CEP83: variants seen among roughly 807,000 people sequenced by gnomAD.
CEP83 encodes centrosomal protein 83, also known as centrosomal protein of 83 kDa.
In CEP83, 70 loss-of-function variants were observed where a neutral mutation model predicts 101.9. That is an observed-to-expected ratio of 0.69 (90% CI 0.57 to 0.84). The LOEUF (loss-of-function observed/expected upper bound fraction) is 0.84, where lower values mean the gene tolerates loss of function less well. Among genes scored for constraint, CEP83 ranks in the 40% least tolerant of loss-of-function variants. The pLI, the probability that CEP83 is intolerant of heterozygous loss-of-function variation, is 0.00. For synonymous variants in CEP83, 264 were observed against 267.9 expected, an observed-to-expected ratio of 0.99 and a Z score of 0.14; for missense variants, 715 against 787.2, an observed-to-expected ratio of 0.91 and a Z score of 1.10.
At chr12:94,379,087 T>C in intron 6 of CEP83, 45 bp from the exon 7 acceptor site, 1 of 1,459,602 alleles carries the variant, frequency 6.9e-7, no homozygotes, top group Non-Finnish European at 9.3e-7. Flanking sequence ...AATTATTAAA[T>C]TTTCAGTCAT....
At chr12:94,408,254 T>C (rs1219282235) in intron 4 of CEP83, 2 of 152,232 alleles carry the variant, frequency 1.3e-5, no homozygotes, top group African/African-American at 4.8e-5. Flanking sequence ...GTACTTGCCA[T>C]TTAATAATCT....
chr12:94,449,514 T>A (rs1171970210), intron 1 of CEP83, among the ~76,000 whole-genome samples: 1 of 151,242 alleles, frequency 6.6e-6, no homozygotes, highest in Non-Finnish European at 1.5e-5. Context: ...CCCAGCACTT[T>A]GGGAGGCCAC....
At chr12:94,368,437 A>G (rs916643165) in intron 9 of CEP83, 11 of 411,950 alleles carry the variant, frequency 2.7e-5, no homozygotes, top group African/African-American at 2.3e-4. Flanking sequence ...CACATATAAA[A>G]ACTTTAATAA....
the CEP83 span, among the ~76,000 whole-genome samples, chr12:94,291,070 A>G: frequency 6.6e-6 from 1 of 152,194 alleles, no homozygotes; most frequent in Non-Finnish European, 1.5e-5. Context: ...AGTGCCCATC[A>G]GGGTGTGGGG....
At chr12:94,423,165 GC>G (rs1848061858) in intron 2 of CEP83, among the ~76,000 whole-genome samples, 1 of 151,784 alleles carries the variant, frequency 6.6e-6, no homozygotes, top group African/African-American at 2.4e-5. Context: ...GTTCATCACA[GC>G]CTCTGCCTCC....
intron 2 of CEP83, among the ~76,000 whole-genome samples, chr12:94,425,983 G>A (rs574968379): frequency 1.9e-4 from 29 of 152,148 alleles, no homozygotes; most frequent in Middle Eastern, 3.4e-3. Flanking sequence ...TTAGCTGGGC[G>A]TGGTGACAGG....
At chr12:94,369,466 TA>T (rs1276732977) in intron 9 of CEP83, 3 of 151,688 alleles carry the variant, frequency 2.0e-5, no homozygotes, top group South Asian at 4.2e-4. Flanking sequence ...AAATAAAAAA[TA>T]AAAATAAAAA....
chr12:94,308,172 T>C lies in CEP83; in HGVS notation c.*641A>G, dbSNP rs1969277895. ...AATGGCCCCCTTGTTAATACAGCCA[T>C]AGGATTTAATTATTTGCACTTATTC... On this transcript the variant is annotated 3_prime_UTR_variant, in exon 17 of 17. Coordinates refer to ENST00000397809, the MANE Select transcript of CEP83 (RefSeq NM_016122.3). The C allele has an allele frequency of 6.6e-6, 1 of 152,200 alleles. No individual in the cohort carries two copies. Among genetic ancestry groups the C allele is most frequent in the Non-Finnish European group, 1.5e-5 (1 of 68,030 alleles). 9.4% of individuals were successfully genotyped at this position (152,200 alleles called of 1,614,324 possible). A position where few individuals can be genotyped will look rare whatever the true frequency, so the allele number is the denominator to read the frequency against.
intron 6 of CEP83, among the ~76,000 whole-genome samples, chr12:94,392,120 C>T (rs947824584): frequency 6.6e-6 from 1 of 152,180 alleles, no homozygotes; most frequent in Non-Finnish European, 1.5e-5. Flanking sequence ...GACTTGAACT[C>T]AGCTCTGCAA....
At chr12:94,398,461 C>T (rs368897652) in intron 6 of CEP83, among the ~76,000 whole-genome samples, 2 of 152,128 alleles carry the variant, frequency 1.3e-5, no homozygotes, top group East Asian at 3.9e-4. Context: ...CAAATTAATA[C>T]TTTTATCATT....
chr12:94,456,662 T>G (rs975694433), intron 1 of CEP83, among the ~76,000 whole-genome samples: 3 of 152,154 alleles, frequency 2.0e-5, no homozygotes, highest in African/African-American at 7.2e-5. Context: ...CCAGATCTCA[T>G]GAGAACTCAC....
chr12:94,315,094 A>G (rs892723302), intron 14 of CEP83, among the ~76,000 whole-genome samples: 1 of 152,144 alleles, frequency 6.6e-6, no homozygotes, highest in Non-Finnish European at 1.5e-5. Flanking sequence ...TAAGTACCTC[A>G]TTCTCTTCAG....
chr12:94,339,491 T>C (rs1030413915), intron 11 of CEP83, among the ~76,000 whole-genome samples: 2 of 152,198 alleles, frequency 1.3e-5, no homozygotes, highest in Non-Finnish European at 1.5e-5. Flanking sequence ...TGAATTTTAA[T>C]TTTTTAAAAT....
chr12:94,289,881 A>G, the CEP83 span, among the ~76,000 whole-genome samples: 1 of 152,106 alleles, frequency 6.6e-6, no homozygotes, highest in Non-Finnish European at 1.5e-5. Flanking sequence ...CCACTAATAA[A>G]ATGTTTCTAC....
intron 2 of CEP83, among the ~76,000 whole-genome samples, chr12:94,417,510 C>T (rs2137903174): frequency 6.6e-6 from 1 of 152,178 alleles, no homozygotes; most frequent in Non-Finnish European, 1.5e-5. Context: ...ACTGGTCGGC[C>T]AGGCACAGTG....
At position 94,308,892 on chromosome 12, in the gene CEP83, G is replaced by C. The variant is rs369894676; in HGVS notation, c.2027C>G (p.Ser676Cys). The C allele has an allele frequency of 4.3e-5, 69 of 1,611,760 alleles. No homozygotes were observed. The highest frequency in any genetic ancestry group is 5.6e-5 in the Non-Finnish European group (66 of 1,178,198). Reference sequence around the variant, plus strand: ...TTCTTCTAGTCTTTTGCGAAGTAGAGAGAGTTCCCTTTGATGTTGTTCCTC... The same window carrying C: ...TTCTTCTAGTCTTTTGCGAAGTAGACAGAGTTCCCTTTGATGTTGTTCCTC... ...MQEEQHQREL[S>C]LLRKRLEELE... The change falls in exon 17 of 17, where the codon TCT (serine) becomes TGT (cysteine). Residue 676 changes from serine (S) to cysteine (C), a missense_variant. Coordinates refer to ENST00000397809, the MANE Select transcript of CEP83 (RefSeq NM_016122.3).
At chr12:94,303,263 A>G (rs962709390), downstream of CEP83, among the ~76,000 whole-genome samples, 3 of 152,218 alleles carry the variant, frequency 2.0e-5, no homozygotes, top group African/African-American at 7.2e-5. Flanking sequence ...ATGAAATAAA[A>G]GGGACAAGCT....
At chr12:94,423,457 C>CTTTTT (rs763433431) in intron 2 of CEP83, among the ~76,000 whole-genome samples, 2 of 120,566 alleles carry the variant, frequency 1.7e-5, no homozygotes, top group Non-Finnish European at 3.5e-5. Context: ...TCTGGTTCAA[C>CTTTTT]TTTTTTTTTT....
chr12:94,395,206 G>C (rs1480207581), intron 6 of CEP83, among the ~76,000 whole-genome samples: 1 of 151,830 alleles, frequency 6.6e-6, no homozygotes, highest in Admixed American at 6.6e-5. Flanking sequence ...CCTGGGGGAG[G>C]GATAGCATTA....
Sources: allele counts gnomAD v4.1 joint callset (sites outside exome capture counted in the v4.1 genomes callset), GRCh38; gene constraint gnomAD v4.1.1; transcripts MANE v1.5; gene names NCBI Gene and HGNC (gene_info 2026-07-23, HGNC 2026-07-21).